The following OPCML variants were observed in gnomAD, a reference collection of about 807,000 sequenced individuals.
OPCML encodes opioid-binding protein/cell adhesion molecule.
In OPCML, 13 loss-of-function variants were observed where a neutral mutation model predicts 37.8. The observed-to-expected ratio is 0.34, with a 90% confidence interval of 0.22 to 0.55. The LOEUF is 0.55. OPCML is among the 20% of genes least tolerant of loss of function. OPCML has a pLI of 0.91. For synonymous variants in OPCML, 176 were observed against 168.8 expected, an observed-to-expected ratio of 1.04 and a Z score of -0.33; for missense variants, 341 against 435.6, an observed-to-expected ratio of 0.78 and a Z score of 1.93.
At chr11:133,513,417 C>T (rs182859782) in intron 1 of OPCML, among the ~76,000 whole-genome samples, 1 of 152,196 alleles carries the variant, frequency 6.6e-6, no homozygotes, top group Non-Finnish European at 1.5e-5. Context: ...TGCTTTACCC[C>T]CTGTCTCCTG....
intron 1 of OPCML, among the ~76,000 whole-genome samples, chr11:133,060,566 G>C (rs1019892981): frequency 1.3e-5 from 2 of 152,230 alleles, no homozygotes; most frequent in Non-Finnish European, 2.9e-5. Context: ...AGGGTGTGGA[G>C]GGGAGGGGCA....
intron 1 of OPCML, among the ~76,000 whole-genome samples, chr11:133,428,486 C>A (rs1405594579): frequency 6.6e-6 from 1 of 152,048 alleles, no homozygotes; most frequent in Non-Finnish European, 1.5e-5. Flanking sequence ...GATTATTGAA[C>A]AATGTTGCTG....
intron 2 of OPCML, among the ~76,000 whole-genome samples, chr11:132,896,909 A>G (rs1203245354): frequency 6.6e-6 from 1 of 152,330 alleles, no homozygotes. Context: ...TATGTTGTGT[A>G]TCTGGCTCGT....
At chr11:132,526,290 C>T (rs1434600533) in intron 4 of OPCML, among the ~76,000 whole-genome samples, 1 of 151,898 alleles carries the variant, frequency 6.6e-6, no homozygotes, top group Non-Finnish European at 1.5e-5. Flanking sequence ...TTGATTTTAC[C>T]AAATATATAA....
chr11:133,197,397 C>T (rs1257813072), intron 1 of OPCML, among the ~76,000 whole-genome samples: 1 of 152,162 alleles, frequency 6.6e-6, no homozygotes, highest in Non-Finnish European at 1.5e-5. Flanking sequence ...AGGCAGCTAC[C>T]TTTTCATTTC....
At chr11:132,850,090 T>C (rs190473949) in intron 2 of OPCML, among the ~76,000 whole-genome samples, 2 of 152,294 alleles carry the variant, frequency 1.3e-5, no homozygotes, top group Admixed American at 1.3e-4. Context: ...TAGTGAAGTG[T>C]GTGCATTTTA....
At chr11:132,552,605 C>T (rs2096384450) in intron 3 of OPCML, among the ~76,000 whole-genome samples, 1 of 152,092 alleles carries the variant, frequency 6.6e-6, no homozygotes, top group Non-Finnish European at 1.5e-5. Context: ...TATTCCTAAA[C>T]TTATGGACAT....
intron 1 of OPCML, among the ~76,000 whole-genome samples, chr11:133,116,814 A>G (rs968664301): frequency 6.6e-6 from 1 of 150,990 alleles, no homozygotes; most frequent in Non-Finnish European, 1.5e-5. Context: ...ACATATATAT[A>G]TATGTATGTA....
intron 1 of OPCML, among the ~76,000 whole-genome samples, chr11:133,292,138 C>T (rs1435707572): frequency 6.6e-6 from 1 of 152,172 alleles, no homozygotes; most frequent in Non-Finnish European, 1.5e-5. Flanking sequence ...TGTGTTCTGA[C>T]ACATAAGGGC....
At chr11:132,497,534 T>C (rs1312134440) in intron 4 of OPCML, among the ~76,000 whole-genome samples, 2 of 151,840 alleles carry the variant, frequency 1.3e-5, no homozygotes, top group African/African-American at 2.4e-5. Context: ...AATGTCTCAG[T>C]GATTCGGAAG....
chr11:132,886,723 C>T (rs530699302), intron 2 of OPCML, among the ~76,000 whole-genome samples: 4 of 152,156 alleles, frequency 2.6e-5, no homozygotes, highest in African/African-American at 9.7e-5. Context: ...CTGGGGGAGT[C>T]GTGGCCAGCT....
intron 1 of OPCML, among the ~76,000 whole-genome samples, chr11:133,396,826 C>A (rs1346422650): frequency 6.6e-6 from 1 of 152,144 alleles, no homozygotes; most frequent in Non-Finnish European, 1.5e-5. Context: ...CTTTATAAAA[C>A]CTTTTCTGAT....
intron 1 of OPCML, among the ~76,000 whole-genome samples, chr11:133,269,724 T>C (rs1276869841): frequency 1.3e-5 from 2 of 152,146 alleles, no homozygotes; most frequent in African/African-American, 4.8e-5. Flanking sequence ...ATCGTTAACA[T>C]GCACTAAGAG....
chr11:133,373,361 G>C (rs541077639), intron 1 of OPCML, among the ~76,000 whole-genome samples: 1 of 150,146 alleles, frequency 6.7e-6, no homozygotes, highest in Non-Finnish European at 1.5e-5. Context: ...CCAGGAGTTT[G>C]AGACCAGCCT....
At chr11:133,169,273 C>A (rs1950256536) in intron 1 of OPCML, among the ~76,000 whole-genome samples, 2 of 152,200 alleles carry the variant, frequency 1.3e-5, no homozygotes, top group Non-Finnish European at 2.9e-5. Context: ...TTGAACTTAA[C>A]CTGGCTGGGT....
intron 7 of OPCML, among the ~76,000 whole-genome samples, chr11:132,433,653 G>T (rs1416957610): frequency 6.6e-6 from 1 of 152,186 alleles, no homozygotes; most frequent in Non-Finnish European, 1.5e-5. Context: ...TTTGGAGGTG[G>T]CACCTATAGG....
At position 132,995,810 on chromosome 11, in the gene OPCML, G is replaced by A. The variant is rs574993973; in HGVS notation, c.62-52800C>T. Among the ~76,000 whole-genome samples the A allele has an allele frequency of 3.9e-5, 6 of 152,268 alleles. No individual in the cohort carries two copies. In the South Asian group the frequency reaches 6.2e-4, roughly 16 times the overall value. On this transcript the variant is annotated intron_variant, in intron 1 of 7. Transcript: ENST00000524381. ...AAAGTGTGTCCAGGATAACCCCAGA[G>A]AAAGTATCAGCTCCAAGATGTGCTT... is the stretch of plus-strand genomic sequence containing the variant.
intron 4 of OPCML, among the ~76,000 whole-genome samples, chr11:132,523,979 G>C (rs1055537906): frequency 6.6e-6 from 1 of 152,194 alleles, no homozygotes; most frequent in Non-Finnish European, 1.5e-5. Context: ...TCAGTGGAGG[G>C]GAGACAGGAA....
intron 1 of OPCML, among the ~76,000 whole-genome samples, chr11:133,084,245 G>A (rs1166340698): frequency 6.8e-6 from 1 of 147,866 alleles, no homozygotes; most frequent in Non-Finnish European, 1.5e-5. Context: ...TACCTTGGCA[G>A]TTCTCCAAAG....
Sources: gnomAD v4.1 joint callset for allele counts (sites outside exome capture counted in the v4.1 genomes callset) on GRCh38, gnomAD v4.1.1 for gene constraint, MANE v1.5 for transcripts, NCBI Gene and HGNC (gene_info 2026-07-23, HGNC 2026-07-21) for gene names.